TREH: variants seen among roughly 807,000 people sequenced by gnomAD.
The protein encoded by TREH is trehalase.
In TREH, 69 loss-of-function variants were observed where a neutral mutation model predicts 80.5. That is an observed-to-expected ratio of 0.86 (90% CI 0.71 to 1.05). The LOEUF (loss-of-function observed/expected upper bound fraction) is 1.05, where lower values mean the gene tolerates loss of function less well. Ranked by LOEUF, TREH falls within the 50% of genes least tolerant of loss-of-function variation. The pLI is 0.00. For synonymous variants in TREH, 309 were observed against 293.5 expected, an observed-to-expected ratio of 1.05 and a Z score of -0.54; for missense variants, 716 against 718.8, an observed-to-expected ratio of 1.00 and a Z score of 0.04.
Position 118,674,155 on chromosome 11 carries a change from C to A in TREH, c.89+5384G>T, listed in dbSNP as rs1313169613. Among the ~76,000 whole-genome samples, 3 of 152,204 alleles carry A rather than the reference C, an allele frequency of 2.0e-5. No homozygotes were observed. The highest frequency in any genetic ancestry group is 7.2e-5 in the African/African-American group (3 of 41,446). Reference sequence around the variant, plus strand: ...AAGATATTATAGGTATTTCAGGTTTCAAGATTATCTTACATCCTTCAGTCA... The same window carrying A: ...AAGATATTATAGGTATTTCAGGTTTAAAGATTATCTTACATCCTTCAGTCA... On this transcript the variant is annotated intron_variant, in intron 1 of 14. Transcript: ENST00000264029. This position sits in a 1 kb window ranked among gnomAD's most constrained non-coding sequence, Gnocchi z 4.4.
At chr11:118,663,727 G>A (rs1555145450) in intron 1 of TREH, among the ~76,000 whole-genome samples, 1 of 152,096 alleles carries the variant, frequency 6.6e-6, no homozygotes, top group African/African-American at 2.4e-5. Context: ...ACAAAGGGAG[G>A]TTAGCACTTT....
At chr11:118,667,124 C>T (rs1479400526) in intron 1 of TREH, among the ~76,000 whole-genome samples, 4 of 152,026 alleles carry the variant, frequency 2.6e-5, no homozygotes, top group African/African-American at 7.2e-5. Context: ...TCAGGTGATC[C>T]GCCCGTCTCA....
rs186010968 is a variant in TREH at position 118,674,052 on chromosome 11, G to T, written c.89+5487C>A. Among the ~76,000 whole-genome samples, 124 of 152,316 alleles carry T rather than the reference G, an allele frequency of 8.1e-4. No individual in the cohort carries two copies. Among genetic ancestry groups the T allele is most frequent in the Non-Finnish European group, 3.8e-4 (26 of 68,032 alleles). On this transcript the variant is annotated intron_variant, in intron 1 of 14. Coordinates refer to ENST00000264029, the MANE Select transcript of TREH (RefSeq NM_007180.3). The surrounding 1 kb of genome is among the most constrained non-coding windows in gnomAD (Gnocchi z 4.4). ...ACTGAGTAACTGCATTCCCCCAGGA[G>T]CTTGTTCCTGATCCAGCCATTTCCA...
chr11:118,666,283 T>TGAGGGTA (rs1238459630), intron 1 of TREH, among the ~76,000 whole-genome samples: 1 of 151,846 alleles, frequency 6.6e-6, no homozygotes, highest in Non-Finnish European at 1.5e-5. Flanking sequence ...ACATAGTAGC[T>TGAGGGTA]GAGGGTAAAG....
chr11:118,658,966 G>A lies in TREH; in HGVS notation c.1484C>T (p.Ala495Val), dbSNP rs782765227. 3.7e-6 allele frequency: 6 copies of A among 1,613,916 alleles called. No individual in the cohort carries two copies. The highest frequency in any genetic ancestry group is 5.1e-6 in the Non-Finnish European group (6 of 1,179,876). Residue 495 changes from alanine to valine, a missense_variant, in exon 13 of 15, where the codon GCT (alanine) becomes GTT (valine). Ala to Val is a moderately conservative substitution (Grantham distance 64). Coordinates refer to ENST00000264029, the MANE Select transcript of TREH (RefSeq NM_007180.3). ...RRAQEVAFQLAQNWIRTNFDV... is the reference protein window; with the variant it reads ...RRAQEVAFQLVQNWIRTNFDV... ...AAAATTGGTTCGGATCCAATTCTGA[G>A]CCAGCTGGAAAGCCACTTCCTGGGC...
chr11:118,660,940 C>G, intron 8 of TREH, 25 bp from the exon 9 acceptor site: 1 of 1,564,606 alleles, frequency 6.4e-7, no homozygotes, highest in Non-Finnish European at 8.7e-7. Context: ...AGGTGGGCAG[C>G]CTGGCACTAG....
chr11:118,658,562 G>A (rs1555143988), intron 14 of TREH, 118 bp downstream of exon 14: 1 of 1,516,886 alleles, frequency 6.6e-7, no homozygotes, highest in East Asian at 2.5e-5. Context: ...GGAAGCACCA[G>A]TCAGCTCCTC....
Position 118,660,612 on chromosome 11 carries a change from TTTGC to T in TREH, c.1025_1028del (p.Ser342AsnfsTer7), listed in dbSNP as rs782107299. On this transcript the variant is annotated frameshift_variant, in exon 10 of 15. Transcript: ENST00000264029. LOFTEE classifies it high-confidence loss of function. ...AGGCATTCAGGTCAACAGGCACCAG[TTTGC>T]TTGTTCGGATGCCGCTAAGCGAGTT... 6.2e-7 allele frequency: 1 copy of T among 1,610,348 alleles called. No homozygotes were observed. Among genetic ancestry groups the T allele is most frequent in the South Asian group, 1.1e-5 (1 of 90,046 alleles).
chr11:118,666,345 C>T (rs1949377901), intron 1 of TREH, among the ~76,000 whole-genome samples: 1 of 152,172 alleles, frequency 6.6e-6, no homozygotes, highest in Non-Finnish European at 1.5e-5. Flanking sequence ...ACATTGGTGT[C>T]TGGAGAGACT....
chr11:118,668,396 CTG>C (rs1949398626), intron 1 of TREH, among the ~76,000 whole-genome samples: 2 of 151,476 alleles, frequency 1.3e-5, no homozygotes, highest in Admixed American at 1.3e-4. Flanking sequence ...TGGCAAAACC[CTG>C]TCTCTACAAA....
At chr11:118,676,896 C>T (rs1200215578) in intron 1 of TREH, among the ~76,000 whole-genome samples, 2 of 151,876 alleles carry the variant, frequency 1.3e-5, no homozygotes, top group African/African-American at 4.8e-5. Context: ...GAACCCAAGA[C>T]AAAAATGAAA....
chr11:118,678,512 C>T (rs533018060), intron 1 of TREH, among the ~76,000 whole-genome samples: 126 of 151,440 alleles, frequency 8.3e-4, no homozygotes, highest in East Asian at 3.7e-3. Context: ...TACAGGCGTG[C>T]GCCACCATGC....
intron 1 of TREH, among the ~76,000 whole-genome samples, chr11:118,666,819 AC>A (rs1180577732): frequency 4.6e-5 from 7 of 152,222 alleles, no homozygotes; most frequent in Non-Finnish European, 1.0e-4. Context: ...AATGCAGATC[AC>A]CCTTGTTTTC....
In TREH at chr11:118,659,414, T is replaced by C; in HGVS notation, c.1388A>G (p.Asp463Gly). The C allele has an allele frequency of 6.2e-7, 1 of 1,606,146 alleles. No homozygotes were observed. The highest frequency in any genetic ancestry group is 8.5e-7 in the Non-Finnish European group (1 of 1,176,014). ...TSLQKTGQQW[D>G]FPNAWAPLQD... ...CAGGGGGGCCCAGGCATTGGGGAAA[T>C]CCCACTGCTGGCCTGTCTTCTGGAG... The change falls in exon 12 of 15, where the codon GAT becomes GGT. Residue 463 changes from aspartate to glycine, a missense_variant. Physicochemically the swap from Asp to Gly is moderately conservative, Grantham distance 94 (BLOSUM62 -1). Transcript: ENST00000264029.
chr11:118,658,456 G>A lies in TREH; in HGVS notation c.1600-15C>T. ...CCAAATCCCTCCTGGGAGAGGCAGGGCAGTGGGGCCAGTTTCTGGGGAAGC... is the reference window on the plus strand; with the variant it reads ...CCAAATCCCTCCTGGGAGAGGCAGGACAGTGGGGCCAGTTTCTGGGGAAGC... On this transcript the variant is annotated splice_polypyrimidine_tract_variant and intron_variant, in intron 14 of 14. Coordinates refer to ENST00000264029, the MANE Select transcript of TREH (RefSeq NM_007180.3). 1.2e-6 allele frequency: 2 copies of A among 1,609,902 alleles called. No individual in the cohort carries two copies. Among genetic ancestry groups the A allele is most frequent in the Non-Finnish European group, 1.7e-6 (2 of 1,178,926 alleles).
chr11:118,658,353 A>G lies in TREH; in HGVS notation c.1688T>C (p.Leu563Pro). The change falls in exon 15 of 15, where the codon CTG becomes CCG. Residue 563 changes from leucine (L) to proline (P), a missense_variant. Physicochemically the swap from Leu to Pro is moderately conservative, Grantham distance 98. Coordinates refer to ENST00000264029, the MANE Select transcript of TREH (RefSeq NM_007180.3). ...RLTSGAKLAFLEPHCLAATLL... is the reference protein window; with the variant it reads ...RLTSGAKLAFPEPHCLAATLL... ...GGTGGCCGCCAGGCAGTGGGGCTCC[A>G]GGAAAGCCAGCTTGGCCCCTGAGGT... is the stretch of plus-strand genomic sequence containing the variant. 6.2e-7 allele frequency: 1 copy of G among 1,602,968 alleles called. No homozygotes were observed. The highest frequency in any genetic ancestry group is 8.5e-7 in the Non-Finnish European group (1 of 1,175,520).
rs782812969 is a variant in TREH, at chr11:118,658,396, G to A, written c.1645C>T (p.Arg549Cys). 48 of 1,610,612 alleles carry A rather than the reference G, an allele frequency of 3.0e-5. No homozygotes were observed. Among genetic ancestry groups the A allele is most frequent in the Middle Eastern group, 2.1e-4 (1 of 4,842 alleles). Residue 549 changes from arginine (R) to cysteine (C), a missense_variant, in exon 15 of 15, where the codon CGC (arginine) becomes TGC (cysteine). By Grantham distance (180) the Arg-to-Cys change is radical. Coordinates refer to ENST00000264029, the MANE Select transcript of TREH (RefSeq NM_007180.3). ...CCTGAGGTCAGCCGGTCACCATAGC[G>A]GTCCAGCAGCATCAGGACCACGCCA... ...TNGVVLMLLD[R>C]YGDRLTSGAK...
Position 118,662,900 on chromosome 11 carries a change from C to T in TREH, c.404G>A (p.Trp135Ter). 1 of 1,597,650 alleles carries T rather than the reference C, an allele frequency of 6.3e-7. No individual in the cohort carries two copies. The highest frequency in any genetic ancestry group is 8.5e-7 in the Non-Finnish European group (1 of 1,171,962). ...RAWAGQLHQL[W>*]KKLGKKMKPE... ...TGATACCTTCTTCCCCAGCTTCTTCCAGAGCTGATGCAGCTGCCCTGCCCA... is the reference window on the plus strand; with the variant it reads ...TGATACCTTCTTCCCCAGCTTCTTCTAGAGCTGATGCAGCTGCCCTGCCCA... Residue 135 changes from tryptophan to a stop codon, truncating the protein, a stop_gained, in exon 4 of 15, where the codon TGG (tryptophan) becomes TAG (stop). Transcript: ENST00000264029. LOFTEE classifies it high-confidence loss of function.
At position 118,658,698 on chromosome 11, in the gene TREH, TC is replaced by T. The variant is rs1555144046; in HGVS notation, c.1580del (p.Gly527GlufsTer18). The T allele has an allele frequency of 2.5e-6, 4 of 1,598,394 alleles. No individual in the cohort carries two copies. The South Asian group carries it at 3.4e-5, about 13-fold the overall frequency. On this transcript the variant is annotated frameshift_variant, in exon 14 of 15. Coordinates refer to ENST00000264029, the MANE Select transcript of TREH (RefSeq NM_007180.3). LOFTEE classifies it high-confidence loss of function. ...TGCTCACCTGAACTTCATATTCTCC[TC>T]CCCCACCGGGCTGTCCACCGTTGCT... ...DVSNGGQPGG[G>X]GEYEVQEGFG...
Sources: allele counts gnomAD v4.1 joint callset (sites outside exome capture counted in the v4.1 genomes callset), GRCh38; gene constraint gnomAD v4.1.1; non-coding constraint Gnocchi (gnomAD v3.1); transcripts MANE v1.5; gene names NCBI Gene and HGNC (gene_info 2026-07-23, HGNC 2026-07-21).